HCN1: variants seen among roughly 807,000 people sequenced by gnomAD.
The protein encoded by HCN1 is hyperpolarization activated cyclic nucleotide gated potassium channel 1.
A neutral mutation model predicts 78.9 loss-of-function variants in HCN1; 13 were observed. The ratio of observed to expected loss-of-function variants is 0.16; its 90% CI spans 0.11 to 0.26. The LOEUF (loss-of-function observed/expected upper bound fraction) is 0.26, where lower values mean the gene tolerates loss of function less well. Ranked by LOEUF, HCN1 falls within the 10% of genes least tolerant of loss-of-function variation. The pLI, the probability that HCN1 is intolerant of heterozygous loss-of-function variation, is 1.00. For missense variants in HCN1, 810 were observed against 1,154.3 expected (o/e 0.70, Z 4.32); for synonymous variants, 552 against 455.5 (o/e 1.21, Z -2.70).
At chr5:45,560,506 G>A (rs546219035) in intron 2 of HCN1, among the ~76,000 whole-genome samples, 112 of 151,760 alleles carry the variant, frequency 7.4e-4, no homozygotes, top group Non-Finnish European at 2.7e-4. Flanking sequence ...TGTTAAAAAT[G>A]GGACAATTTT....
chr5:45,374,274 ATATACATTATATACATTATATATATTG>A (rs1481710328), intron 4 of HCN1, among the ~76,000 whole-genome samples: 1 of 97,264 alleles, frequency 1.0e-5, no homozygotes, highest in Non-Finnish European at 1.8e-5. Flanking sequence ...CATATATATT[ATATACATTATATACATTATATATATTG>A]TATACATTAT....
intron 3 of HCN1, among the ~76,000 whole-genome samples, chr5:45,421,960 CT>C (rs895021839): frequency 6.6e-6 from 1 of 152,280 alleles, no homozygotes; most frequent in African/African-American, 2.4e-5. Flanking sequence ...ACCTTGAAAA[CT>C]GAGAAAACAG....
intron 2 of HCN1, among the ~76,000 whole-genome samples, chr5:45,594,294 G>A (rs1159449682): frequency 1.3e-5 from 2 of 152,100 alleles, no homozygotes; most frequent in African/African-American, 4.8e-5. Flanking sequence ...AGATAAATTA[G>A]TGCCTCTAGT....
At chr5:45,473,793 A>C (rs530760442) in intron 2 of HCN1, among the ~76,000 whole-genome samples, 1 of 151,860 alleles carries the variant, frequency 6.6e-6, no homozygotes, top group South Asian at 2.1e-4. Flanking sequence ...CATCTTCTTC[A>C]CTTTTTATCA....
chr5:45,676,833 T>C (rs1053337926), intron 1 of HCN1, among the ~76,000 whole-genome samples: 10 of 151,796 alleles, frequency 6.6e-5, no homozygotes, highest in East Asian at 3.9e-4. Context: ...TGACACATTA[T>C]AGAAGAAATG....
chr5:45,487,169 C>T (rs1159820185), intron 2 of HCN1, among the ~76,000 whole-genome samples: 3 of 152,050 alleles, frequency 2.0e-5, no homozygotes, highest in African/African-American at 7.2e-5. Flanking sequence ...ATTTTAACAA[C>T]TTTAGGTCAT....
intron 4 of HCN1, among the ~76,000 whole-genome samples, chr5:45,374,753 C>T (rs1747565069): frequency 7.1e-6 from 1 of 140,948 alleles, no homozygotes; most frequent in Non-Finnish European, 1.5e-5. Flanking sequence ...CAACAAAATA[C>T]TTGCAAAATA....
At chr5:45,533,186 G>T (rs1390218507) in intron 2 of HCN1, among the ~76,000 whole-genome samples, 1 of 152,122 alleles carries the variant, frequency 6.6e-6, no homozygotes, top group African/African-American at 2.4e-5. Context: ...TTTCTGAAAA[G>T]CTTTTTACTT....
At chr5:45,667,706 A>G (rs1004720325) in intron 1 of HCN1, among the ~76,000 whole-genome samples, 3 of 152,044 alleles carry the variant, frequency 2.0e-5, no homozygotes, top group African/African-American at 7.2e-5. Context: ...AATCTTACGA[A>G]TAAACACAAC....
At chr5:45,483,099 A>G (rs945721566) in intron 2 of HCN1, among the ~76,000 whole-genome samples, 2 of 152,172 alleles carry the variant, frequency 1.3e-5, no homozygotes, top group Non-Finnish European at 2.9e-5. Flanking sequence ...TGGTACAATA[A>G]TTTATTTTCT....
intron 5 of HCN1, among the ~76,000 whole-genome samples, chr5:45,306,733 T>G (rs2111909792): frequency 6.6e-6 from 1 of 152,210 alleles, no homozygotes; most frequent in East Asian, 1.9e-4. Flanking sequence ...TAAAACACAC[T>G]GTTACTATCT....
intron 5 of HCN1, among the ~76,000 whole-genome samples, chr5:45,352,048 A>G (rs1236616898): frequency 1.3e-5 from 2 of 152,178 alleles, no homozygotes; most frequent in Non-Finnish European, 2.9e-5. Context: ...AGGACTATAA[A>G]TCATGCTGCC....
chr5:45,589,339 A>G (rs1377351664), intron 2 of HCN1, among the ~76,000 whole-genome samples: 3 of 152,194 alleles, frequency 2.0e-5, no homozygotes, highest in Non-Finnish European at 4.4e-5. Flanking sequence ...ACTGGCTGTA[A>G]AAGGAGGATT....
At chr5:45,269,955 T>C (rs1258971830) in intron 6 of HCN1, among the ~76,000 whole-genome samples, 2 of 152,192 alleles carry the variant, frequency 1.3e-5, no homozygotes, top group Non-Finnish European at 2.9e-5. Flanking sequence ...ACCACCAGCA[T>C]ACATTTAAAT....
At chr5:45,683,607 C>G (rs1739747355) in intron 1 of HCN1, among the ~76,000 whole-genome samples, 1 of 151,912 alleles carries the variant, frequency 6.6e-6, no homozygotes, top group East Asian at 1.9e-4. Context: ...CTCTCCCTCT[C>G]AAGGAAACTC....
chr5:45,441,152 G>C (rs1740670437), intron 3 of HCN1, among the ~76,000 whole-genome samples: 1 of 152,042 alleles, frequency 6.6e-6, no homozygotes, highest in African/African-American at 2.4e-5. Context: ...ACAGTATTCT[G>C]TTTCCTTGCT....
chr5:45,688,806 TGAATA>T (rs1172406825), intron 1 of HCN1, among the ~76,000 whole-genome samples: 3 of 151,916 alleles, frequency 2.0e-5, no homozygotes, highest in Non-Finnish European at 4.4e-5. Context: ...AGCAAGGAAA[TGAATA>T]AAGTACTGAC....
chr5:45,374,376 T>C (rs1024667340), intron 4 of HCN1, among the ~76,000 whole-genome samples: 13 of 144,230 alleles, frequency 9.0e-5, no homozygotes, highest in Non-Finnish European at 1.9e-4. Flanking sequence ...GAGATATATA[T>C]ATCCCTCAGA....
At chr5:45,332,386 T>C (rs1477801949) in intron 5 of HCN1, among the ~76,000 whole-genome samples, 1 of 151,518 alleles carries the variant, frequency 6.6e-6, no homozygotes, top group Non-Finnish European at 1.5e-5. Context: ...AAGTTATTGT[T>C]CACTATAGTC....
Sources: allele counts gnomAD v4.1 joint callset (sites outside exome capture counted in the v4.1 genomes callset), GRCh38; gene constraint gnomAD v4.1.1; transcripts MANE v1.5; gene names NCBI Gene and HGNC (gene_info 2026-07-23, HGNC 2026-07-21).